RRAS2: variants seen among roughly 807,000 people sequenced by gnomAD.
RRAS2 encodes the protein ras-related protein R-Ras2.
Under a neutral mutation model 27.6 loss-of-function variants are expected in RRAS2, and 7 were observed. The ratio of observed to expected loss-of-function variants is 0.25; its 90% CI spans 0.14 to 0.48. The LOEUF (loss-of-function observed/expected upper bound fraction) is 0.48. Among genes scored for constraint, RRAS2 ranks in the 20% least tolerant of loss-of-function variants. The pLI, the probability that RRAS2 is intolerant of heterozygous loss-of-function variation, is 0.99. For synonymous variants in RRAS2, 86 were observed against 90.9 expected (o/e 0.95, Z 0.31); for missense variants, 178 against 256.2 (o/e 0.69, Z 2.08).
At chr11:14,356,653 C>T in intron 1 of RRAS2, 1 of 389,546 alleles carries the variant, frequency 2.6e-6, no homozygotes, top group South Asian at 1.9e-5. Context: ...GGTTCATACT[C>T]TTTATGTACA....
intron 1 of RRAS2, among the ~76,000 whole-genome samples, chr11:14,351,576 A>C (rs1848953082): frequency 6.6e-6 from 1 of 151,998 alleles, no homozygotes; most frequent in Non-Finnish European, 1.5e-5. Flanking sequence ...AAAATACAAA[A>C]ATTAGTAGCC....
chr11:14,286,277 G>A (rs1324328980), intron 4 of RRAS2, among the ~76,000 whole-genome samples: 1 of 152,150 alleles, frequency 6.6e-6, no homozygotes, highest in African/African-American at 2.4e-5. Flanking sequence ...CTGAGTAGAA[G>A]GCTGGGACTT....
intron 1 of RRAS2, among the ~76,000 whole-genome samples, chr11:14,319,005 T>C (rs1848169665): frequency 6.6e-6 from 1 of 152,164 alleles, no homozygotes; most frequent in Admixed American, 6.5e-5. Flanking sequence ...ATCGTCTCCA[T>C]CATACAGGTG....
intron 1 of RRAS2, among the ~76,000 whole-genome samples, chr11:14,299,412 A>C (rs1253920767): frequency 8.5e-5 from 13 of 152,236 alleles, no homozygotes; most frequent in Admixed American, 7.9e-4. Context: ...CTGTACACTT[A>C]AGATCTGTAC....
chr11:14,300,435 C>T (rs1057420422), intron 1 of RRAS2, among the ~76,000 whole-genome samples: 15 of 152,062 alleles, frequency 9.9e-5, no homozygotes, highest in African/African-American at 2.4e-5. Flanking sequence ...GGCATGGTGG[C>T]ACGCGCCTAT....
At chr11:14,357,156 TTAA>T (rs529866089) in intron 1 of RRAS2, among the ~76,000 whole-genome samples, 92 of 152,220 alleles carry the variant, frequency 6.0e-4, no homozygotes, top group African/African-American at 2.2e-3. Flanking sequence ...CCTTAATTAA[TTAA>T]CATGGGCTCA....
At chr11:14,299,422 C>A (rs940245974) in intron 1 of RRAS2, among the ~76,000 whole-genome samples, 2 of 152,200 alleles carry the variant, frequency 1.3e-5, no homozygotes, top group Admixed American at 1.3e-4. Context: ...AAGATCTGTA[C>A]ACTTTTTTGT....
intron 1 of RRAS2, among the ~76,000 whole-genome samples, chr11:14,347,529 A>G (rs1381766892): frequency 6.6e-6 from 1 of 152,168 alleles, no homozygotes; most frequent in African/African-American, 2.4e-5. Flanking sequence ...AAAAATATAA[A>G]TCATTTTATA....
At chr11:14,306,758 T>C (rs1210637694) in intron 1 of RRAS2, among the ~76,000 whole-genome samples, 4 of 152,124 alleles carry the variant, frequency 2.6e-5, no homozygotes, top group African/African-American at 9.7e-5. Flanking sequence ...CCCTGAGCTT[T>C]TCCTATCACA....
At chr11:14,294,936 A>C in intron 2 of RRAS2, 74 bp from the exon 3 acceptor site, 1 of 1,229,272 alleles carries the variant, frequency 8.1e-7, no homozygotes, top group Non-Finnish European at 1.2e-6. Flanking sequence ...AGACCAATTA[A>C]TGTGAGTCCT....
chr11:14,355,137 A>G (rs1764105743), intron 1 of RRAS2, among the ~76,000 whole-genome samples: 1 of 152,068 alleles, frequency 6.6e-6, no homozygotes, highest in African/African-American at 2.4e-5. Flanking sequence ...ACTTGACTAA[A>G]CACACAGCTA....
chr11:14,355,239 G>A (rs2134043467), intron 1 of RRAS2, among the ~76,000 whole-genome samples: 1 of 151,546 alleles, frequency 6.6e-6, no homozygotes, highest in South Asian at 2.1e-4. Context: ...GGAAGAAAGA[G>A]AAGCTCAGTC....
chr11:14,286,836 G>GAAAT (rs776475683), intron 4 of RRAS2, among the ~76,000 whole-genome samples: 90 of 152,266 alleles, frequency 5.9e-4, no homozygotes, highest in Admixed American at 2.0e-3. Flanking sequence ...AATATAAACT[G>GAAAT]ATCAAGTTAC....
chr11:14,339,731 T>TA (rs1168262599), intron 1 of RRAS2, among the ~76,000 whole-genome samples: 7 of 152,222 alleles, frequency 4.6e-5, no homozygotes, highest in African/African-American at 1.7e-4. Flanking sequence ...TTTAAAAAGT[T>TA]AAATAATTTT....
intron 4 of RRAS2, among the ~76,000 whole-genome samples, chr11:14,282,606 T>C (rs1554944495): frequency 6.6e-6 from 1 of 151,968 alleles, no homozygotes; most frequent in Non-Finnish European, 1.5e-5. Context: ...CTTTTATGGC[T>C]ATTATTACAA....
chr11:14,324,427 C>CA (rs77185501), intron 1 of RRAS2, among the ~76,000 whole-genome samples: 1,238 of 90,392 alleles, frequency 0.014, 8 homozygotes, highest in African/African-American at 0.037. Context: ...AAACAGAGGC[C>CA]AAAAAAAAAA....
Position 14,278,634 on chromosome 11 carries a change from GA to G in RRAS2, c.*702del, listed in dbSNP as rs1408491083. ...TCCTTTTTACCCTTAGCGTGGCTGT[GA>G]AAAAGAGTTAAATTAAAAAATCAAG... On this transcript the variant is annotated 3_prime_UTR_variant, in exon 6 of 6. Coordinates refer to ENST00000256196, the MANE Select transcript of RRAS2 (RefSeq NM_012250.6). 2 of 152,136 alleles carry G rather than the reference GA, an allele frequency of 1.3e-5. No individual in the cohort carries two copies. Among genetic ancestry groups the G allele is most frequent in the Admixed American group, 6.5e-5 (1 of 15,272 alleles). The allele number at this position is 152,136 out of a possible 1,614,324, so 9.4% of individuals were successfully genotyped here.
At chr11:14,321,605 C>G (rs111871560) in intron 1 of RRAS2, among the ~76,000 whole-genome samples, 1,703 of 152,246 alleles carry the variant, frequency 0.011, 18 homozygotes, top group Middle Eastern at 0.024. Context: ...TGGATGGATC[C>G]TTCTTAATAA....
At chr11:14,300,239 C>T (rs1333970655) in intron 1 of RRAS2, among the ~76,000 whole-genome samples, 11 of 152,156 alleles carry the variant, frequency 7.2e-5, no homozygotes, top group African/African-American at 2.7e-4. Flanking sequence ...AAGGAATACC[C>T]TCCCATTCAA....
Sources: allele counts gnomAD v4.1 joint callset (sites outside exome capture counted in the v4.1 genomes callset), GRCh38; gene constraint gnomAD v4.1.1; transcripts MANE v1.5; gene names NCBI Gene and HGNC (gene_info 2026-07-23, HGNC 2026-07-21).